The following CHN2 variants were observed in gnomAD, a reference collection of about 807,000 sequenced individuals.
CHN2 encodes the protein beta-chimaerin.
In CHN2, 35 loss-of-function variants were observed where a neutral mutation model predicts 56.3. The observed-to-expected ratio is 0.62, with a 90% CI of 0.47 to 0.82. CHN2 has a LOEUF of 0.82. Among genes scored for constraint, CHN2 ranks in the 40% least tolerant of loss-of-function variants. The pLI is 0.00. For missense variants in CHN2, 491 were observed against 580.5 expected, an observed-to-expected ratio of 0.85 and a Z score of 1.58; for synonymous variants, 210 against 212.8, an observed-to-expected ratio of 0.99 and a Z score of 0.12.
At chr7:29,374,701 T>G (rs1477892965) in intron 3 of CHN2, among the ~76,000 whole-genome samples, 3 of 152,144 alleles carry the variant, frequency 2.0e-5, no homozygotes, top group South Asian at 4.1e-4. Context: ...GAGGCAAAAG[T>G]AGAATGAGGA....
At chr7:29,215,421 AG>A (rs1785262339) in intron 1 of CHN2, among the ~76,000 whole-genome samples, 1 of 152,086 alleles carries the variant, frequency 6.6e-6, no homozygotes, top group South Asian at 2.1e-4. Flanking sequence ...CAGTCTTGGG[AG>A]GCCTCCCAGA....
intron 2 of CHN2, among the ~76,000 whole-genome samples, chr7:29,163,844 A>C (rs1795529358): frequency 6.6e-6 from 1 of 152,248 alleles, no homozygotes; most frequent in African/African-American, 2.4e-5. Context: ...TATGTTATGC[A>C]TATCAATAGT....
chr7:29,214,074 T>G (rs1397502799), intron 1 of CHN2, among the ~76,000 whole-genome samples: 1 of 152,204 alleles, frequency 6.6e-6, no homozygotes, highest in Non-Finnish European at 1.5e-5. Flanking sequence ...TGTTTCTGGA[T>G]GCTGCTAAAG....
At chr7:29,341,338 C>T (rs753668486) in intron 1 of CHN2, among the ~76,000 whole-genome samples, 13 of 152,100 alleles carry the variant, frequency 8.5e-5, no homozygotes, top group Non-Finnish European at 1.9e-4. Context: ...GACTGGCTGC[C>T]GACATGCCCA....
intron 1 of CHN2, among the ~76,000 whole-genome samples, chr7:29,213,682 T>C (rs35838375): frequency 0.13 from 20,070 of 152,148 alleles, 1,664 homozygotes; most frequent in Non-Finnish European, 0.19. Flanking sequence ...TTTCCTCACC[T>C]TTTTTGGTTC....
intron 6 of CHN2, among the ~76,000 whole-genome samples, chr7:29,450,931 C>T (rs566676181): frequency 3.4e-4 from 51 of 152,084 alleles, no homozygotes; most frequent in African/African-American, 1.2e-3. Context: ...CCATCACGCC[C>T]GGCTAATTTT....
rs1585337170 is a variant in CHN2, at chr7:29,421,910, C to A, written c.576+21082C>A. ...GACTTGAAGAAAGCAGACAGCGTTTCCTACTGAAATGCTGTCAGGCAAGCT... is the reference window on the plus strand; with the variant it reads ...GACTTGAAGAAAGCAGACAGCGTTTACTACTGAAATGCTGTCAGGCAAGCT... On this transcript the variant is annotated intron_variant, in intron 6 of 12. Coordinates refer to ENST00000222792, the MANE Select transcript of CHN2 (RefSeq NM_004067.4). 3.3e-5 allele frequency among the ~76,000 whole-genome samples: 5 copies of A among 152,302 alleles called. No individual in the cohort carries two copies. The South Asian group carries it at 6.2e-4, about 19-fold the overall frequency.
intron 1 of CHN2, among the ~76,000 whole-genome samples, chr7:29,260,059 C>A (rs1789412328): frequency 6.6e-6 from 1 of 152,060 alleles, no homozygotes; most frequent in East Asian, 1.9e-4. Context: ...CTCACTGCAA[C>A]CTCTGCCTCC....
chr7:29,373,125 G>C (rs1450994944), intron 3 of CHN2, among the ~76,000 whole-genome samples: 1 of 151,940 alleles, frequency 6.6e-6, no homozygotes, highest in Non-Finnish European at 1.5e-5. Flanking sequence ...ATCAGAATCA[G>C]CTTTTTTCTT....
chr7:29,204,329 A>G (rs1382358928), intron 1 of CHN2, among the ~76,000 whole-genome samples: 1 of 152,164 alleles, frequency 6.6e-6, no homozygotes, highest in African/African-American at 2.4e-5. Flanking sequence ...CAGTTCTAGC[A>G]TTACTTTTAG....
chr7:29,350,936 C>T (rs951337378), intron 1 of CHN2, among the ~76,000 whole-genome samples: 2 of 151,974 alleles, frequency 1.3e-5, no homozygotes, highest in African/African-American at 4.8e-5. Flanking sequence ...GATGAAACCC[C>T]ATCTCTACTA....
At chr7:29,372,372 C>A (rs1047887435) in intron 3 of CHN2, among the ~76,000 whole-genome samples, 9 of 152,092 alleles carry the variant, frequency 5.9e-5, no homozygotes, top group African/African-American at 2.2e-4. Context: ...AAAAGTAGCA[C>A]CTCCCCAACC....
chr7:29,270,525 C>T (rs1295228546), intron 1 of CHN2, among the ~76,000 whole-genome samples: 2 of 148,230 alleles, frequency 1.3e-5, no homozygotes, highest in Non-Finnish European at 3.0e-5. Flanking sequence ...TTAGCCAGGC[C>T]TGGTGGTGCG....
chr7:29,265,419 A>G (rs73684643), intron 1 of CHN2, among the ~76,000 whole-genome samples: 8,068 of 152,206 alleles, frequency 0.053, 710 homozygotes, highest in African/African-American at 0.18. Context: ...ACCTCTGGAA[A>G]CCTCGTGCTC....
intron 1 of CHN2, among the ~76,000 whole-genome samples, chr7:29,202,031 G>A (rs1351577168): frequency 6.6e-6 from 1 of 152,156 alleles, no homozygotes; most frequent in African/African-American, 2.4e-5. Context: ...TTTAAAAAGT[G>A]GTTTGTTGTT....
chr7:29,214,330 G>A (rs558083644), intron 1 of CHN2, among the ~76,000 whole-genome samples: 1 of 152,098 alleles, frequency 6.6e-6, no homozygotes, highest in African/African-American at 2.4e-5. Context: ...CTTTTCCTAT[G>A]CAGGAGCTGG....
chr7:29,146,940 T>C, exon 2 of CHN2: 1 of 1,551,168 alleles, frequency 6.4e-7, no homozygotes, highest in Non-Finnish European at 8.7e-7. Flanking sequence ...GCTGATGGTC[T>C]ACATTCCAGC....
chr7:29,400,408 A>G (rs56056122), intron 5 of CHN2, 135 bp from the exon 6 acceptor site: 141,117 of 856,454 alleles, frequency 0.16, 12,821 homozygotes, highest in Middle Eastern at 0.22. Flanking sequence ...CGTTAGGGGA[A>G]AAAAAATCAC....
At chr7:29,312,163 G>C (rs954057593) in intron 1 of CHN2, among the ~76,000 whole-genome samples, 2 of 152,110 alleles carry the variant, frequency 1.3e-5, no homozygotes, top group Non-Finnish European at 2.9e-5. Context: ...TCAATGGTTT[G>C]AAAACAGTTT....
Sources: gnomAD v4.1 joint callset for allele counts (sites outside exome capture counted in the v4.1 genomes callset) on GRCh38, gnomAD v4.1.1 for gene constraint, MANE v1.5 for transcripts, NCBI Gene and HGNC (gene_info 2026-07-23, HGNC 2026-07-21) for gene names.